PARP8: variants seen among roughly 807,000 people sequenced by gnomAD.
PARP8 encodes the protein poly(ADP-ribose) polymerase family member 8.
In PARP8, 51 loss-of-function variants were observed where a neutral mutation model predicts 124.1. The observed-to-expected ratio is 0.41, with a 90% CI of 0.33 to 0.52. PARP8 has a LOEUF of 0.52. Ranked by LOEUF, PARP8 falls within the 20% of genes least tolerant of loss-of-function variation. The pLI is 0.21. For missense variants in PARP8, 860 were observed against 1,018.9 expected, an observed-to-expected ratio of 0.84 and a Z score of 2.12; for synonymous variants, 391 against 361.5, an observed-to-expected ratio of 1.08 and a Z score of -0.93.
rs146321233 is a variant in PARP8, at chr5:50,815,138, G to A, written c.1576-294G>A. Among the ~76,000 whole-genome samples, 201 of 152,176 alleles carry A rather than the reference G, an allele frequency of 1.3e-3. 1 individual carries two copies. The highest frequency in any genetic ancestry group is 4.6e-3 in the African/African-American group (192 of 41,544). ...CATGTGCAAATGTGTATGAAAGCAC[G>A]AGAGATAAATTTTCCTATTTAAGGA... On this transcript the variant is annotated intron_variant, in intron 14 of 25. Transcript: ENST00000281631.
At chr5:50,809,423 G>A (rs980109106) in intron 14 of PARP8, among the ~76,000 whole-genome samples, 2 of 151,956 alleles carry the variant, frequency 1.3e-5, no homozygotes, top group African/African-American at 4.8e-5. Flanking sequence ...TTAAACAGTG[G>A]ATATACAAAT....
chr5:50,691,245 A>G (rs940450599), intron 2 of PARP8, among the ~76,000 whole-genome samples: 2 of 152,126 alleles, frequency 1.3e-5, no homozygotes, highest in African/African-American at 4.8e-5. Context: ...CCTCCCCTCC[A>G]AAACCAGATT....
At chr5:50,742,305 C>G (rs1310179451) in intron 2 of PARP8, among the ~76,000 whole-genome samples, 5 of 152,150 alleles carry the variant, frequency 3.3e-5, no homozygotes, top group African/African-American at 1.2e-4. Context: ...TTTCCCCACT[C>G]ACATAGTTAC....
rs72756140 is a variant in PARP8 at position 50,795,722 on chromosome 5, T to A, written c.1428+305T>A. 5.7e-3 allele frequency among the ~76,000 whole-genome samples: 876 copies of A among 152,358 alleles called. 7 individuals are homozygous for A. Among genetic ancestry groups the A allele is most frequent in the Admixed American group, 9.7e-3 (148 of 15,308 alleles). Reference sequence around the variant, plus strand: ...TTGGATTCACAAAGCCCTTACTTATTAAATAAGCATATAATTTTAATGTTT... The same window carrying A: ...TTGGATTCACAAAGCCCTTACTTATAAAATAAGCATATAATTTTAATGTTT... On this transcript the variant is annotated intron_variant, in intron 12 of 25. Coordinates refer to ENST00000281631, the MANE Select transcript of PARP8 (RefSeq NM_024615.4).
chr5:50,735,256 T>G (rs1174321507), intron 2 of PARP8, among the ~76,000 whole-genome samples: 1 of 152,162 alleles, frequency 6.6e-6, no homozygotes, highest in Non-Finnish European at 1.5e-5. Flanking sequence ...TCAGATTTTA[T>G]AATCAATGTT....
intron 25 of PARP8, among the ~76,000 whole-genome samples, chr5:50,837,442 C>A (rs1747706215): frequency 6.6e-6 from 1 of 151,974 alleles, no homozygotes; most frequent in Non-Finnish European, 1.5e-5. Flanking sequence ...AAGAATAAAT[C>A]GATGAGAATG....
chr5:50,699,440 A>G (rs1243243433), intron 2 of PARP8, among the ~76,000 whole-genome samples: 2 of 152,178 alleles, frequency 1.3e-5, no homozygotes, highest in Non-Finnish European at 2.9e-5. Flanking sequence ...TAACACTTTC[A>G]TATGTTTTTG....
At position 50,843,319 on chromosome 5, in the gene PARP8, G is replaced by A. The variant is rs1470183464; in HGVS notation, c.*1251G>A. 1 of 151,540 alleles carries A rather than the reference G, an allele frequency of 6.6e-6. No homozygotes were observed. The highest frequency in any genetic ancestry group is 2.4e-5 in the African/African-American group (1 of 41,306). 9.4% of individuals were successfully genotyped at this position (151,540 alleles called of 1,614,324 possible). The stretch of plus-strand genomic sequence containing the variant: ...TTCATGAAAGCAGTTTAATTAGTGA[G>A]TCTGCCACTCTATTCAAACCCTGAA... On this transcript the variant is annotated 3_prime_UTR_variant, in exon 26 of 26. Coordinates refer to ENST00000281631, the MANE Select transcript of PARP8 (RefSeq NM_024615.4).
At chr5:50,681,044 A>G (rs1579931844) in intron 2 of PARP8, among the ~76,000 whole-genome samples, 1 of 152,270 alleles carries the variant, frequency 6.6e-6, no homozygotes, top group Admixed American at 6.5e-5. Context: ...AAACTAATTT[A>G]TGTAGATATT....
chr5:50,676,680 A>T (rs888570839), intron 2 of PARP8, among the ~76,000 whole-genome samples: 4 of 152,180 alleles, frequency 2.6e-5, no homozygotes, highest in Non-Finnish European at 5.9e-5. Context: ...GGTGGGGGAA[A>T]TCTGGAATTT....
At chr5:50,746,806 C>A (rs568163219) in intron 2 of PARP8, among the ~76,000 whole-genome samples, 14 of 152,084 alleles carry the variant, frequency 9.2e-5, no homozygotes, top group Non-Finnish European at 1.8e-4. Context: ...GCAGGAAGAT[C>A]ACTTGAGGCC....
intron 9 of PARP8, among the ~76,000 whole-genome samples, chr5:50,784,252 ATATC>A (rs1487029925): frequency 1.3e-5 from 2 of 152,164 alleles, no homozygotes; most frequent in African/African-American, 4.8e-5. Context: ...ATCTGACAGT[ATATC>A]TGTGAGAGAA....
chr5:50,716,045 T>G (rs183511404), intron 2 of PARP8, among the ~76,000 whole-genome samples: 20 of 152,212 alleles, frequency 1.3e-4, no homozygotes, highest in Admixed American at 1.3e-3. Context: ...TTTACTGTGC[T>G]TTATCGAAAT....
chr5:50,692,252 A>T lies in PARP8; in HGVS notation c.146+24127A>T, dbSNP rs528522387. On this transcript the variant is annotated intron_variant, in intron 2 of 25. Transcript: ENST00000281631. ...TGTCTTCGTGATCTGGCATCTCTTG[A>T]CCTTTCCAGCCTTAACTCACTAATC... 3.3e-5 allele frequency among the ~76,000 whole-genome samples: 5 copies of T among 152,108 alleles called. No homozygotes were observed. In the East Asian group the frequency reaches 9.6e-4, roughly 29 times the overall value.
rs554942615 is a variant in PARP8 at position 50,749,063 on chromosome 5, T to C, written c.147-1088T>C. Among the ~76,000 whole-genome samples the C allele has an allele frequency of 6.5e-4, 99 of 152,320 alleles. 1 individual carries two copies. The South Asian group carries it at 0.016, about 24-fold the overall frequency. Reference sequence around the variant, plus strand: ...TCCTTTACATCCTTAAGTATACTTATGATAACTGTTTTAACATTATGGTGG... The same window carrying C: ...TCCTTTACATCCTTAAGTATACTTACGATAACTGTTTTAACATTATGGTGG... On this transcript the variant is annotated intron_variant, in intron 2 of 25. Transcript: ENST00000281631.
At chr5:50,756,980 A>C in intron 3 of PARP8, 1 of 324,760 alleles carries the variant, frequency 3.1e-6, no homozygotes, top group South Asian at 2.5e-5. Flanking sequence ...ATGTTCATCC[A>C]TGTTGTTGCA....
chr5:50,666,732 T>C lies in PARP8; in HGVS notation c.-364T>C. Reference sequence around the variant, plus strand: ...CGCCCGCCGCCCAGCCGGTGATTGCTCTCTGGCTGTCCCCGGCACCTCGGC... The same window carrying C: ...CGCCCGCCGCCCAGCCGGTGATTGCCCTCTGGCTGTCCCCGGCACCTCGGC... On this transcript the variant is annotated 5_prime_UTR_variant, in exon 1 of 26. Transcript: ENST00000281631. 2 of 419,216 alleles carry C rather than the reference T, an allele frequency of 4.8e-6. No individual in the cohort carries two copies. The highest frequency in any genetic ancestry group is 9.6e-5 in the South Asian group (2 of 20,866). 26.0% of individuals were successfully genotyped at this position (419,216 alleles called of 1,614,324 possible). A position where few individuals can be genotyped will look rare whatever the true frequency, so the allele number is the denominator to read the frequency against.
At chr5:50,692,229 T>C (rs904528287) in intron 2 of PARP8, among the ~76,000 whole-genome samples, 1 of 152,178 alleles carries the variant, frequency 6.6e-6, no homozygotes, top group African/African-American at 2.4e-5. Context: ...TTCAAAAGTG[T>C]CTTCGTGATC....
chr5:50,691,935 T>A (rs1752535773), intron 2 of PARP8, among the ~76,000 whole-genome samples: 1 of 152,162 alleles, frequency 6.6e-6, no homozygotes, highest in Non-Finnish European at 1.5e-5. Context: ...TTTAACTATT[T>A]GTTATCATAT....
Sources: gnomAD v4.1 joint callset for allele counts (sites outside exome capture counted in the v4.1 genomes callset) on GRCh38, gnomAD v4.1.1 for gene constraint, MANE v1.5 for transcripts, NCBI Gene and HGNC (gene_info 2026-07-23, HGNC 2026-07-21) for gene names.